Variants in CAMTA1 observed in about 807,000 individuals in gnomAD.
CAMTA1 encodes calmodulin-binding transcription activator 1.
CAMTA1 carries 27 observed loss-of-function variants against 170.9 expected under a neutral mutation model. The observed-to-expected ratio is 0.16, with a 90% CI of 0.12 to 0.22. The LOEUF (loss-of-function observed/expected upper bound fraction) is 0.22, where lower values mean the gene tolerates loss of function less well. Ranked by LOEUF, CAMTA1 falls within the 10% of genes least tolerant of loss-of-function variation. CAMTA1 has a pLI of 1.00. For synonymous variants in CAMTA1, 833 were observed against 891.5 expected, an observed-to-expected ratio of 0.93 and a Z score of 1.17; for missense variants, 1,619 against 2,217.2, an observed-to-expected ratio of 0.73 and a Z score of 5.42.
At position 7,064,052 on chromosome 1, in the gene CAMTA1, G is replaced by T. The variant is rs572866873; in HGVS notation, c.235-27252G>T. Among the ~76,000 whole-genome samples the T allele has an allele frequency of 6.6e-6, 1 of 152,052 alleles. No individual in the cohort carries two copies. Among genetic ancestry groups the T allele is most frequent in the Admixed American group, 6.6e-5 (1 of 15,262 alleles). The stretch of plus-strand genomic sequence containing the variant: ...GTGGCTGCCTTCTCATATGGTGGGA[G>T]CCTTTGCCTTCACCTTCTCCTCCTC... On this transcript the variant is annotated intron_variant, in intron 3 of 22. Transcript: ENST00000303635. This position sits in a 1 kb window ranked among gnomAD's most constrained non-coding sequence, Gnocchi z 5.4.
At chr1:7,551,020 A>G (rs1341307291) in intron 6 of CAMTA1, among the ~76,000 whole-genome samples, 1 of 152,150 alleles carries the variant, frequency 6.6e-6, no homozygotes, top group Non-Finnish European at 1.5e-5. Context: ...TACTGACTGG[A>G]ACAGATGCAG....
chr1:7,506,574 C>T (rs1317600097), intron 6 of CAMTA1, among the ~76,000 whole-genome samples: 1 of 152,120 alleles, frequency 6.6e-6, no homozygotes, highest in African/African-American at 2.4e-5. Context: ...ACTCAAAATT[C>T]ACACGCACAC....
chr1:7,313,474 C>T (rs1220999185), intron 5 of CAMTA1, among the ~76,000 whole-genome samples: 1 of 152,304 alleles, frequency 6.6e-6, no homozygotes, highest in African/African-American at 2.4e-5. Context: ...TAGACGTCCT[C>T]GTTAGGGATC....
At chr1:7,692,597 G>C (rs1409415027) in intron 11 of CAMTA1, among the ~76,000 whole-genome samples, 1 of 152,186 alleles carries the variant, frequency 6.6e-6, no homozygotes, top group Non-Finnish European at 1.5e-5. Context: ...CAGGAATCCT[G>C]CTGCTTCAAA....
chr1:7,595,829 C>T (rs1398158597), intron 6 of CAMTA1, among the ~76,000 whole-genome samples: 2 of 152,154 alleles, frequency 1.3e-5, no homozygotes, highest in East Asian at 3.9e-4. Flanking sequence ...CCTGGCGGAA[C>T]CCCCCACCCC....
At chr1:7,158,557 T>C (rs1472244064) in intron 4 of CAMTA1, among the ~76,000 whole-genome samples, 1 of 152,232 alleles carries the variant, frequency 6.6e-6, no homozygotes. Flanking sequence ...GCTAATGATA[T>C]GCCTTTAGAC....
intron 3 of CAMTA1, among the ~76,000 whole-genome samples, chr1:7,059,556 G>T (rs1008165349): frequency 6.6e-6 from 1 of 152,090 alleles, no homozygotes; most frequent in African/African-American, 2.4e-5. Context: ...GGAGGTCGAG[G>T]CTGCAGTGAA....
rs373075653 is a variant in CAMTA1 at position 7,347,156 on chromosome 1, C to T, written c.438+97530C>T. On this transcript the variant is annotated intron_variant, in intron 5 of 22. Coordinates refer to ENST00000303635, the MANE Select transcript of CAMTA1 (RefSeq NM_015215.4). ...GTGGCAGCGTCTGAGTAACATTCCT[C>T]GGTGGGGAGAGCGGCGGATGGTTCT... Among the ~76,000 whole-genome samples the T allele has an allele frequency of 4.6e-5, 7 of 152,334 alleles. No homozygotes were observed. The East Asian group carries it at 9.6e-4, about 21-fold the overall frequency.
At position 7,224,363 on chromosome 1, in the gene CAMTA1, T is replaced by C. The variant is rs1661326721; in HGVS notation, c.303-25128T>C. 6.6e-6 allele frequency among the ~76,000 whole-genome samples: 1 copy of C among 152,152 alleles called. No individual in the cohort carries two copies. Among genetic ancestry groups the C allele is most frequent in the African/African-American group, 2.4e-5 (1 of 41,442 alleles). On this transcript the variant is annotated intron_variant, in intron 4 of 22. Coordinates refer to ENST00000303635, the MANE Select transcript of CAMTA1 (RefSeq NM_015215.4). This position sits in a 1 kb window ranked among gnomAD's most constrained non-coding sequence, Gnocchi z 5.2. The stretch of plus-strand genomic sequence containing the variant: ...ACCGCTCTGCAGGCTCTCGTCCCAG[T>C]TGGCAAGGGCGCCACAGCTGGATGG...
intron 3 of CAMTA1, among the ~76,000 whole-genome samples, chr1:7,049,342 CT>C (rs1705922523): frequency 1.4e-5 from 2 of 146,778 alleles, no homozygotes; most frequent in Admixed American, 6.7e-5. Context: ...GCCAGCTCAC[CT>C]GTCTCCCACC....
chr1:7,206,765 T>C (rs1312008226), intron 4 of CAMTA1, among the ~76,000 whole-genome samples: 1 of 152,260 alleles, frequency 6.6e-6, no homozygotes, highest in African/African-American at 2.4e-5. Context: ...TTCACATTTT[T>C]ACCAACATTA....
At chr1:7,691,676 G>C (rs2096313352) in intron 11 of CAMTA1, among the ~76,000 whole-genome samples, 1 of 152,086 alleles carries the variant, frequency 6.6e-6, no homozygotes, top group East Asian at 1.9e-4. Context: ...GGGGCTTTTG[G>C]GACATCTGTG....
chr1:7,371,531 A>AT (rs1354320647), intron 5 of CAMTA1, among the ~76,000 whole-genome samples: 1 of 152,174 alleles, frequency 6.6e-6, no homozygotes, highest in Admixed American at 6.5e-5. Flanking sequence ...AAGTGCCGGG[A>AT]TTACAGGCAT....
intron 5 of CAMTA1, among the ~76,000 whole-genome samples, chr1:7,258,879 G>C (rs1318019841): frequency 1.3e-5 from 2 of 152,138 alleles, no homozygotes; most frequent in African/African-American, 4.8e-5. Flanking sequence ...AGTTGGCGTG[G>C]ATTAGGCACC....
At chr1:6,988,629 G>T (rs138677635) in intron 3 of CAMTA1, among the ~76,000 whole-genome samples, 2,031 of 151,188 alleles carry the variant, frequency 0.013, 17 homozygotes, top group Non-Finnish European at 0.02. Context: ...CACGGCAGTT[G>T]GCTTTCTCCA....
At chr1:7,440,711 C>T (rs1223891019) in intron 5 of CAMTA1, among the ~76,000 whole-genome samples, 2 of 152,184 alleles carry the variant, frequency 1.3e-5, no homozygotes, top group Admixed American at 6.5e-5. Flanking sequence ...AGCCTGTGGG[C>T]CGAGAAAGAC....
chr1:7,152,849 C>T (rs1256519253), intron 4 of CAMTA1, among the ~76,000 whole-genome samples: 2 of 152,220 alleles, frequency 1.3e-5, no homozygotes, highest in African/African-American at 2.4e-5. Flanking sequence ...CGACCCTAAC[C>T]TTTCACAGAT....
At chr1:6,849,903 C>G (rs181225997) in intron 3 of CAMTA1, among the ~76,000 whole-genome samples, 2 of 151,750 alleles carry the variant, frequency 1.3e-5, no homozygotes, top group African/African-American at 4.8e-5. Flanking sequence ...GATGTGGTGA[C>G]GCATGCCTGT....
At chr1:7,757,024 T>C (rs1243657807) in intron 22 of CAMTA1, among the ~76,000 whole-genome samples, 1 of 152,222 alleles carries the variant, frequency 6.6e-6, no homozygotes, top group Non-Finnish European at 1.5e-5. Flanking sequence ...CTATATTCAA[T>C]GCCCCCTCTT....
Sources: gnomAD v4.1 joint callset for allele counts (sites outside exome capture counted in the v4.1 genomes callset) on GRCh38, gnomAD v4.1.1 for gene constraint, Gnocchi (gnomAD v3.1) non-coding constraint, MANE v1.5 for transcripts, NCBI Gene and HGNC (gene_info 2026-07-23, HGNC 2026-07-21) for gene names.